The following TLN2 variants were observed in gnomAD, a reference collection of about 807,000 sequenced individuals.
The protein encoded by TLN2 is talin 2.
Under a neutral mutation model 294.7 loss-of-function variants are expected in TLN2, and 118 were observed. The observed-to-expected ratio is 0.40, with a 90% confidence interval of 0.34 to 0.47. The LOEUF (loss-of-function observed/expected upper bound fraction) is 0.47. TLN2 is among the 20% of genes least tolerant of loss of function. The pLI is 0.84. For synonymous variants in TLN2, 1,431 were observed against 1,304.5 expected, an observed-to-expected ratio of 1.10 and a Z score of -2.09; for missense variants, 3,083 against 3,282.2, an observed-to-expected ratio of 0.94 and a Z score of 1.48.
intron 32 of TLN2, among the ~76,000 whole-genome samples, chr15:62,742,192 T>G (rs1174564818): frequency 2.6e-5 from 4 of 152,116 alleles, no homozygotes; most frequent in Non-Finnish European, 5.9e-5. Context: ...ACTGGAAAAT[T>G]ATCTTCCCAT....
intron 1 of TLN2, among the ~76,000 whole-genome samples, chr15:62,517,709 C>A (rs753237354): frequency 2.2e-4 from 34 of 152,278 alleles, no homozygotes; most frequent in Non-Finnish European, 1.5e-4. Context: ...TTGTGGCTTA[C>A]CACATTACCC....
At chr15:62,447,329 CG>C (rs536001008) in intron 1 of TLN2, among the ~76,000 whole-genome samples, 148 of 151,956 alleles carry the variant, frequency 9.7e-4, no homozygotes, top group African/African-American at 3.4e-3. Flanking sequence ...TCCAGAACGT[CG>C]GGGTGGGTTG....
At chr15:62,677,797 C>A (rs2056390282) in intron 11 of TLN2, among the ~76,000 whole-genome samples, 1 of 29,352 alleles carries the variant, frequency 3.4e-5, no homozygotes, top group African/African-American at 7.5e-5. Context: ...AAGTAGGCAG[C>A]ACTTGCAACT....
intron 7 of TLN2, among the ~76,000 whole-genome samples, chr15:62,654,374 G>T (rs975535438): frequency 2.6e-5 from 4 of 152,192 alleles, no homozygotes; most frequent in Non-Finnish European, 4.4e-5. Flanking sequence ...CCATCAGGAA[G>T]TGTTTCTGGT....
chr15:62,430,569 T>C (rs1380707633), intron 1 of TLN2, among the ~76,000 whole-genome samples: 7 of 152,220 alleles, frequency 4.6e-5, no homozygotes, highest in African/African-American at 1.7e-4. Flanking sequence ...TTTTTGGGGA[T>C]GGTGACTTTA....
intron 1 of TLN2, among the ~76,000 whole-genome samples, chr15:62,517,336 A>G (rs2040236853): frequency 6.6e-6 from 1 of 152,166 alleles, no homozygotes; most frequent in South Asian, 2.1e-4. Flanking sequence ...AAAGGTTCAC[A>G]CATTTGTTGT....
At chr15:62,615,920 T>C (rs758787690) in intron 2 of TLN2, among the ~76,000 whole-genome samples, 6 of 152,150 alleles carry the variant, frequency 3.9e-5, no homozygotes, top group Admixed American at 1.3e-4. Context: ...GAATATCTTG[T>C]TTGGATTTGT....
At chr15:62,690,936 G>C (rs1331579649) in intron 12 of TLN2, among the ~76,000 whole-genome samples, 1 of 151,198 alleles carries the variant, frequency 6.6e-6, no homozygotes, top group Non-Finnish European at 1.5e-5. Flanking sequence ...ATCAGGCAGG[G>C]AGGTTGCAGT....
In TLN2 at chr15:62,652,247, C is replaced by G. The variant is rs991104621; in HGVS notation, c.364+113C>G. On this transcript the variant is annotated intron_variant, in intron 6 of 58. Coordinates refer to ENST00000636159, the MANE Select transcript of TLN2 (RefSeq NM_015059.3). ...GCAACTTTGAATGTGTCTTAACACG[C>G]CGAGTTCTGCCTAATCCCCAGAGGG... 8.9e-5 allele frequency: 104 copies of G among 1,171,842 alleles called. 2 individuals carry two copies. In the African/African-American group the frequency reaches 1.5e-3, roughly 17 times the overall value. 72.6% of individuals were successfully genotyped at this position (1,171,842 alleles called of 1,614,324 possible).
intron 1 of TLN2, among the ~76,000 whole-genome samples, chr15:62,493,713 C>T (rs1237411891): frequency 3.3e-5 from 5 of 151,746 alleles, no homozygotes; most frequent in African/African-American, 9.7e-5. Flanking sequence ...CGGGTTCAAG[C>T]GATTCTCCTG....
At chr15:62,745,200 T>G (rs981886814) in intron 32 of TLN2, among the ~76,000 whole-genome samples, 6 of 152,224 alleles carry the variant, frequency 3.9e-5, no homozygotes, top group African/African-American at 1.4e-4. Flanking sequence ...ATCCCAAGTT[T>G]TTTAGAAACT....
intron 1 of TLN2, among the ~76,000 whole-genome samples, chr15:62,583,830 C>T (rs2045353836): frequency 6.6e-6 from 1 of 152,062 alleles, no homozygotes; most frequent in African/African-American, 2.4e-5. Context: ...TTTATCATAA[C>T]TGTTTTTAAA....
chr15:62,547,920 G>T (rs2042083016), intron 1 of TLN2, among the ~76,000 whole-genome samples: 2 of 152,170 alleles, frequency 1.3e-5, no homozygotes, highest in Non-Finnish European at 2.9e-5. Context: ...GGAGTGACTG[G>T]CAGTGATCAG....
In TLN2 at chr15:62,484,437, T is replaced by G. The variant is rs2038274778; in HGVS notation, c.-238+93752T>G. Among the ~76,000 whole-genome samples the G allele has an allele frequency of 2.0e-5, 3 of 151,856 alleles. No individual in the cohort carries two copies. The South Asian group carries it at 6.2e-4, about 32-fold the overall frequency. ...CCAAGGACCATGGTTTTTTTTTTCT[T>G]TTTTTTGAGACGGAGTCTTGCCCTG... On this transcript the variant is annotated intron_variant, in intron 1 of 58. Coordinates refer to ENST00000636159, the MANE Select transcript of TLN2 (RefSeq NM_015059.3).
intron 16 of TLN2, among the ~76,000 whole-genome samples, chr15:62,699,554 T>C (rs1226427150): frequency 6.6e-6 from 1 of 152,190 alleles, no homozygotes; most frequent in Non-Finnish European, 1.5e-5. Context: ...TTCCTGTAGC[T>C]GCTGCTGCAT....
chr15:62,809,806 C>T, intron 51 of TLN2, 119 bp from the exon 52 acceptor site: 1 of 853,888 alleles, frequency 1.2e-6, no homozygotes, highest in Non-Finnish European at 1.9e-6. Context: ...CTCTTCTGTC[C>T]AGGGAGTCAG....
At chr15:62,498,109 A>G (rs1429551540) in intron 1 of TLN2, among the ~76,000 whole-genome samples, 1 of 146,458 alleles carries the variant, frequency 6.8e-6, no homozygotes. Context: ...AGCCGTGATC[A>G]TGCCACTGCA....
At chr15:62,446,245 G>T (rs544909002) in intron 1 of TLN2, among the ~76,000 whole-genome samples, 1 of 151,392 alleles carries the variant, frequency 6.6e-6, no homozygotes, top group Non-Finnish European at 1.5e-5. Context: ...TCATCCGCCC[G>T]TCTCCCCAAA....
Position 62,725,122 on chromosome 15 carries a change from G to C in TLN2, c.3255+18G>C, listed in dbSNP as rs770404837. On this transcript the variant is annotated intron_variant, in intron 27 of 58. Transcript: ENST00000636159. ...GGGAAACGGTGAGCTGTTAGAGCCAGCTGGGGTGCGGGTGTACCTTTTGTT... is the reference window on the plus strand; with the variant it reads ...GGGAAACGGTGAGCTGTTAGAGCCACCTGGGGTGCGGGTGTACCTTTTGTT... 2 of 1,601,630 alleles carry C rather than the reference G, an allele frequency of 1.2e-6. No individual in the cohort carries two copies. The highest frequency in any genetic ancestry group is 1.1e-5 in the South Asian group (1 of 90,040).
Sources: gnomAD v4.1 joint callset for allele counts (sites outside exome capture counted in the v4.1 genomes callset) on GRCh38, gnomAD v4.1.1 for gene constraint, MANE v1.5 for transcripts, NCBI Gene and HGNC (gene_info 2026-07-23, HGNC 2026-07-21) for gene names.